CDK8: variants seen among roughly 807,000 people sequenced by gnomAD.
CDK8 encodes cyclin dependent kinase 8.
Under a neutral mutation model 71.5 loss-of-function variants are expected in CDK8, and 29 were observed. The ratio of observed to expected loss-of-function variants is 0.41; its 90% confidence interval spans 0.30 to 0.55. The LOEUF (loss-of-function observed/expected upper bound fraction) is 0.55, where lower values mean the gene tolerates loss of function less well. Among genes scored for constraint, CDK8 ranks in the 20% least tolerant of loss-of-function variants. The pLI is 0.37. For missense variants in CDK8, 288 were observed against 572.6 expected (o/e 0.50, Z 5.07); for synonymous variants, 161 against 192.1 (o/e 0.84, Z 1.34).
At chr13:26,271,910 G>C (rs934955539) in intron 1 of CDK8, among the ~76,000 whole-genome samples, 2 of 140,354 alleles carry the variant, frequency 1.4e-5, no homozygotes, top group Non-Finnish European at 3.0e-5. Context: ...TACAGGTCTA[G>C]AAGTTGCTCT....
intron 1 of CDK8, among the ~76,000 whole-genome samples, chr13:26,262,731 A>T (rs1318856612): frequency 6.6e-6 from 1 of 152,244 alleles, no homozygotes; most frequent in Non-Finnish European, 1.5e-5. Context: ...AAAATTAAGG[A>T]AAACGTAATT....
intron 6 of CDK8, among the ~76,000 whole-genome samples, chr13:26,387,967 A>G (rs1875560356): frequency 6.6e-6 from 1 of 152,192 alleles, no homozygotes; most frequent in Non-Finnish European, 1.5e-5. Flanking sequence ...CCTACATAGT[A>G]TGTAGTGAGA....
chr13:26,284,937 A>C (rs1225557391), intron 1 of CDK8, among the ~76,000 whole-genome samples: 3 of 57,986 alleles, frequency 5.2e-5, no homozygotes, highest in African/African-American at 1.9e-4. Flanking sequence ...AAATGCAAAA[A>C]TCCTCAAAAA....
At chr13:26,258,343 TA>T (rs1348255150) in intron 1 of CDK8, among the ~76,000 whole-genome samples, 1 of 152,192 alleles carries the variant, frequency 6.6e-6, no homozygotes, top group Non-Finnish European at 1.5e-5. Flanking sequence ...AAATACCTTG[TA>T]GAACTATTAA....
At chr13:26,334,254 T>A (rs1163988780) in intron 1 of CDK8, among the ~76,000 whole-genome samples, 1 of 152,176 alleles carries the variant, frequency 6.6e-6, no homozygotes, top group East Asian at 1.9e-4. Flanking sequence ...GGTGAATGGG[T>A]AAATCTTTAG....
intron 1 of CDK8, among the ~76,000 whole-genome samples, chr13:26,277,919 T>A (rs1003596693): frequency 1.3e-5 from 2 of 152,198 alleles, no homozygotes; most frequent in African/African-American, 4.8e-5. Flanking sequence ...AAATATTTGC[T>A]TTACTGTTAC....
chr13:26,309,391 G>A (rs1170078102), intron 1 of CDK8, among the ~76,000 whole-genome samples: 5 of 152,056 alleles, frequency 3.3e-5, no homozygotes, highest in African/African-American at 1.2e-4. Flanking sequence ...CACCTGCCTC[G>A]GCCTCCCAAA....
chr13:26,308,488 C>G lies in CDK8; in HGVS notation c.129-29079C>G, dbSNP rs373310026. 2.0e-4 allele frequency among the ~76,000 whole-genome samples: 31 copies of G among 152,342 alleles called. No individual in the cohort carries two copies. In the East Asian group the frequency reaches 4.8e-3, roughly 24 times the overall value. ...GTTTTCTCATCTGCAAAATGGGCCA[C>G]TTGGCTGTTACCAGCATTACATATG... On this transcript the variant is annotated intron_variant, in intron 1 of 12. Transcript: ENST00000381527.
chr13:26,278,824 T>C (rs1872643150), intron 1 of CDK8, among the ~76,000 whole-genome samples: 1 of 151,182 alleles, frequency 6.6e-6, no homozygotes, highest in Admixed American at 6.6e-5. Context: ...AGATTGAAAG[T>C]GTTCTGTAGT....
At chr13:26,361,957 T>A (rs897998659) in intron 4 of CDK8, among the ~76,000 whole-genome samples, 4 of 152,132 alleles carry the variant, frequency 2.6e-5, no homozygotes, top group Non-Finnish European at 4.4e-5. Flanking sequence ...TCTAATGCAC[T>A]TATTATTGGC....
intron 1 of CDK8, among the ~76,000 whole-genome samples, chr13:26,268,627 C>G (rs1385422167): frequency 1.3e-5 from 2 of 152,056 alleles, no homozygotes; most frequent in Non-Finnish European, 2.9e-5. Flanking sequence ...CCATACTTAG[C>G]TAATCCTGTG....
intron 6 of CDK8, among the ~76,000 whole-genome samples, chr13:26,386,817 C>T (rs998224887): frequency 6.6e-6 from 1 of 152,164 alleles, no homozygotes; most frequent in African/African-American, 2.4e-5. Context: ...AGTCTCCTGC[C>T]TGTCTTGTTC....
At chr13:26,341,076 A>G (rs544442639) in intron 2 of CDK8, among the ~76,000 whole-genome samples, 31 of 152,264 alleles carry the variant, frequency 2.0e-4, no homozygotes, top group Middle Eastern at 6.8e-3. Context: ...AGCAGAGGTA[A>G]AGCTCTGGAC....
At chr13:26,375,248 T>A (rs1874891854) in intron 4 of CDK8, among the ~76,000 whole-genome samples, 1 of 152,252 alleles carries the variant, frequency 6.6e-6, no homozygotes, top group South Asian at 2.1e-4. Context: ...GTTTTCATTG[T>A]GCTTTTCTTC....
chr13:26,313,062 C>T (rs1874360819), intron 1 of CDK8, among the ~76,000 whole-genome samples: 1 of 152,136 alleles, frequency 6.6e-6, no homozygotes, highest in Non-Finnish European at 1.5e-5. Flanking sequence ...TTATTTTCAC[C>T]TTCCATCCAG....
At chr13:26,285,621 T>C (rs781687882) in intron 1 of CDK8, among the ~76,000 whole-genome samples, 1 of 152,156 alleles carries the variant, frequency 6.6e-6, no homozygotes. Context: ...CATTCGACAT[T>C]GTACTAGAAG....
At chr13:26,299,210 C>T (rs368061578) in intron 1 of CDK8, among the ~76,000 whole-genome samples, 40 of 152,226 alleles carry the variant, frequency 2.6e-4, no homozygotes, top group African/African-American at 8.2e-4. Flanking sequence ...CAGGAACCAT[C>T]GTTATTTTCA....
intron 1 of CDK8, among the ~76,000 whole-genome samples, chr13:26,262,447 A>G (rs143416891): frequency 2.4e-4 from 36 of 152,310 alleles, no homozygotes; most frequent in African/African-American, 8.7e-4. Context: ...TAAACTTGCT[A>G]ACATTAAAAG....
At position 26,359,757 on chromosome 13, in the gene CDK8, C is replaced by T. The variant is rs1345227883; in HGVS notation, c.456+5877C>T. Reference sequence around the variant, plus strand: ...TGAGATGGAGTCATCACTCTGTTGCCCAGGCTTGAGTGCAATGGCATGATC... The same window carrying T: ...TGAGATGGAGTCATCACTCTGTTGCTCAGGCTTGAGTGCAATGGCATGATC... On this transcript the variant is annotated intron_variant, in intron 4 of 12. Transcript: ENST00000381527. 3 of 424,524 alleles carry T rather than the reference C, an allele frequency of 7.1e-6. No homozygotes were observed. In the East Asian group the frequency reaches 2.5e-4, roughly 35 times the overall value. The allele number at this position is 424,524 out of a possible 1,614,324, so 26.3% of individuals were successfully genotyped here.
Sources: allele counts gnomAD v4.1 joint callset (sites outside exome capture counted in the v4.1 genomes callset), GRCh38; gene constraint gnomAD v4.1.1; transcripts MANE v1.5; gene names NCBI Gene and HGNC (gene_info 2026-07-23, HGNC 2026-07-21).